Variants in NUP214 observed in about 807,000 individuals in gnomAD.
NUP214 encodes nucleoporin 214.
A neutral mutation model predicts 196.2 loss-of-function variants in NUP214; 79 were observed. The ratio of observed to expected loss-of-function variants is 0.40; its 90% CI spans 0.34 to 0.49. NUP214 has a LOEUF of 0.49. Among genes scored for constraint, NUP214 ranks in the 20% least tolerant of loss-of-function variants. The pLI is 0.58. For missense variants in NUP214, 2,468 were observed against 2,539.0 expected (o/e 0.97, Z 0.60); for synonymous variants, 1,020 against 990.5 (o/e 1.03, Z -0.56).
In NUP214 at chr9:131,151,694, G is replaced by A. The variant is rs181279268; in HGVS notation, c.2278-42G>A. Reference sequence around the variant, plus strand: ...TTGATCCAAACAGAAAGATTTGGACGTAACAACTTTTTGTACCAACACATT... The same window carrying A: ...TTGATCCAAACAGAAAGATTTGGACATAACAACTTTTTGTACCAACACATT... On this transcript the variant is annotated intron_variant, in intron 16 of 35. Coordinates refer to ENST00000359428, the MANE Select transcript of NUP214 (RefSeq NM_005085.4). 1.1e-3 allele frequency: 1,705 copies of A among 1,527,624 alleles called. 3 individuals carry two copies. Among genetic ancestry groups the A allele is most frequent in the Non-Finnish European group, 1.3e-3 (1,477 of 1,125,100 alleles). 94.6% of individuals were successfully genotyped at this position (1,527,624 alleles called of 1,614,324 possible).
chr9:131,164,209 GCGCGCACATGCACGTGTGCA>G, intron 21 of NUP214, 65 bp downstream of exon 21: 1 of 1,420,340 alleles, frequency 7.0e-7, no homozygotes. Context: ...GTGTGTGTGC[GCGCGCACATGCACGTGTGCA>G]TGTGTGAGCT....
In NUP214 at chr9:131,130,137, G is replaced by GTTTTGTTTTTTTTTTTTTTTTTTTT. The variant is rs1564176236; in HGVS notation, c.593-625_593-624insGTTTTTTTTTTTTTTTTTTTTTTTT. Among the ~76,000 whole-genome samples the GTTTTGTTTTTTTTTTTTTTTTTTTT allele has an allele frequency of 1.8e-4, 14 of 76,928 alleles. 1 individual carries two copies. The highest frequency in any genetic ancestry group is 6.2e-4 in the Admixed American group (3 of 4,804). 50.5% of individuals were successfully genotyped at this position (76,928 alleles called of 152,430 possible). On this transcript the variant is annotated intron_variant, in intron 4 of 35. Transcript: ENST00000359428. Reference sequence around the variant, plus strand: ...GAGCAGGAGAATGATTTCTGGTTTTGTTTTTTTTTTTTTGTTTTTTTTTTG... The same window carrying GTTTTGTTTTTTTTTTTTTTTTTTTT: ...GAGCAGGAGAATGATTTCTGGTTTTGTTTTGTTTTTTTTTTTTTTTTTTTTTTTTTTTTTTTTTGTTTTTTTTTTG...
intron 17 of NUP214, among the ~76,000 whole-genome samples, chr9:131,157,497 C>T (rs190152466): frequency 1.5e-5 from 2 of 132,794 alleles, no homozygotes; most frequent in Non-Finnish European, 3.2e-5. Flanking sequence ...GAGAGTCTCA[C>T]TCTGTTGCCC....
chr9:131,146,390 G>C lies in NUP214; in HGVS notation c.1945+86G>C. 1 of 1,307,880 alleles carries C rather than the reference G, an allele frequency of 7.6e-7. No homozygotes were observed. The highest frequency in any genetic ancestry group is 1.1e-6 in the Non-Finnish European group (1 of 929,786). The allele number at this position is 1,307,880 out of a possible 1,614,324, so 81.0% of individuals were successfully genotyped here. A position where few individuals can be genotyped will look rare whatever the true frequency, so the allele number is the denominator to read the frequency against. ...AGTGTTAAGAGTCGTAGCTAACATAGTTGGACAAGGTTATTTTTTCTTGCT... is the reference window on the plus strand; with the variant it reads ...AGTGTTAAGAGTCGTAGCTAACATACTTGGACAAGGTTATTTTTTCTTGCT... On this transcript the variant is annotated intron_variant, in intron 13 of 35. Coordinates refer to ENST00000359428, the MANE Select transcript of NUP214 (RefSeq NM_005085.4). This position sits in a 1 kb window ranked among gnomAD's most constrained non-coding sequence, Gnocchi z 4.6.
Position 131,232,413 on chromosome 9 carries a change from G to A in NUP214, c.6239+105G>A. The A allele has an allele frequency of 8.2e-7, 1 of 1,219,008 alleles. No homozygotes were observed. The highest frequency in any genetic ancestry group is 2.3e-5 in the East Asian group (1 of 42,586). 75.5% of individuals were successfully genotyped at this position (1,219,008 alleles called of 1,614,324 possible). A position where few individuals can be genotyped will look rare whatever the true frequency, so the allele number is the denominator to read the frequency against. On this transcript the variant is annotated intron_variant, in intron 35 of 35. Transcript: ENST00000359428. The surrounding 1 kb of genome is among the most constrained non-coding windows in gnomAD (Gnocchi z 5.1). ...GTGCATTTTCTTTTCGTTTTTTCCT[G>A]TTTTTAGAGTTTGTCCTGGAAGTGT...
chr9:131,162,173 G>C (rs1204526909), intron 18 of NUP214, among the ~76,000 whole-genome samples: 2 of 152,164 alleles, frequency 1.3e-5, no homozygotes, highest in Non-Finnish European at 2.9e-5. Context: ...CAAATCACTA[G>C]GCAATAGGAA....
In NUP214 at chr9:131,140,721, C is replaced by T. The variant is rs980108372; in HGVS notation, c.1294+11C>T. 6.8e-6 allele frequency: 11 copies of T among 1,609,034 alleles called. No individual in the cohort carries two copies. The highest frequency in any genetic ancestry group is 2.7e-5 in the African/African-American group (2 of 74,568). On this transcript the variant is annotated intron_variant, in intron 11 of 35. Coordinates refer to ENST00000359428, the MANE Select transcript of NUP214 (RefSeq NM_005085.4). ...AGCCCAAGTCACCAGGTATGTGCCT[C>T]TGCCTGCTTTATCAGTAAGGGAATA...
At chr9:131,166,385 C>T (rs1832787369) in intron 21 of NUP214, among the ~76,000 whole-genome samples, 1 of 152,106 alleles carries the variant, frequency 6.6e-6, no homozygotes, top group Non-Finnish European at 1.5e-5. Flanking sequence ...TTTACTTATT[C>T]ATTCATTCAA....
Position 131,174,332 on chromosome 9 carries a change from G to C in NUP214, c.3157+14G>C. The C allele has an allele frequency of 6.2e-7, 1 of 1,601,740 alleles. No homozygotes were observed. ...TGGGAACTTCAGGTAAGTAAACAGT[G>C]GGAAAGGAAACTGTTTTTCCCTATG... On this transcript the variant is annotated intron_variant, in intron 22 of 35. Coordinates refer to ENST00000359428, the MANE Select transcript of NUP214 (RefSeq NM_005085.4).
At position 131,150,678 on chromosome 9, in the gene NUP214, A is replaced by G. The variant is rs1832231040; in HGVS notation, c.2190A>G (p.Gln730=). The change falls in exon 16 of 36, where the codon CAA becomes CAG. Residue 730 remains glutamine, a synonymous_variant. Coordinates refer to ENST00000359428, the MANE Select transcript of NUP214 (RefSeq NM_005085.4). ...CCCGAACTTCCAAAGCCTGTTTCCAAGTGGGCACTTCTGAGGAGATGAAGA... is the reference window on the plus strand; with the variant it reads ...CCCGAACTTCCAAAGCCTGTTTCCAGGTGGGCACTTCTGAGGAGATGAAGA... The part of the protein sequence containing the change: ...LKARTSKACF[Q]VGTSEEMKML... The G allele has an allele frequency of 1.2e-6, 2 of 1,614,184 alleles. No individual in the cohort carries two copies. Among genetic ancestry groups the G allele is most frequent in the African/African-American group, 1.3e-5 (1 of 75,060 alleles).
At position 131,146,222 on chromosome 9, in the gene NUP214, T is replaced by C. The variant is rs1472993945; in HGVS notation, c.1863T>C (p.Ser621=). ...PFSSASKPAA[S]GPLSHPTPLS... is the part of the protein sequence containing the mutation. ...CTTCTGCCTCCAAGCCAGCTGCTTC[T>C]GGACCACTCAGCCACCCCACACCTC... The change falls in exon 13 of 36, where the codon TCT becomes TCC. Residue 621 remains serine (S), a synonymous_variant. Transcript: ENST00000359428. The surrounding 1 kb of genome is among the most constrained non-coding windows in gnomAD (Gnocchi z 4.6). The C allele has an allele frequency of 1.9e-6, 3 of 1,614,032 alleles. No individual in the cohort carries two copies. The African/African-American group carries it at 4.0e-5, about 22-fold the overall frequency.
At chr9:131,143,683 C>T (rs1183069550) in intron 11 of NUP214, among the ~76,000 whole-genome samples, 1 of 151,920 alleles carries the variant, frequency 6.6e-6, no homozygotes, top group Non-Finnish European at 1.5e-5. Context: ...TTTGTATGAG[C>T]TTTTTAAAAA....
In NUP214 at chr9:131,132,616, C is replaced by A. The variant is rs1198622264; in HGVS notation, c.684C>A (p.Val228=). 9 of 1,613,970 alleles carry A rather than the reference C, an allele frequency of 5.6e-6. No individual in the cohort carries two copies. The highest frequency in any genetic ancestry group is 6.8e-6 in the Non-Finnish European group (8 of 1,179,976). Residue 228 remains valine (V), a synonymous_variant, in exon 6 of 36, where the codon GTC becomes GTA. Coordinates refer to ENST00000359428, the MANE Select transcript of NUP214 (RefSeq NM_005085.4). Reference sequence around the variant, plus strand: ...TTCAGACTTTGCAGGAAAAAAAAGTCATTCCTTGTCCTCCGTTTTATGAGT... The same window carrying A: ...TTCAGACTTTGCAGGAAAAAAAAGTAATTCCTTGTCCTCCGTTTTATGAGT... The part of the protein sequence containing the change: ...QYLPTLQEKK[V]IPCPPFYESD...
In NUP214 at chr9:131,147,548, G is replaced by A. The variant is rs1308609312; in HGVS notation, c.2004G>A (p.Arg668=). The A allele has an allele frequency of 6.2e-7, 1 of 1,614,040 alleles. No homozygotes were observed. Among genetic ancestry groups the A allele is most frequent in the Admixed American group, 1.7e-5 (1 of 60,018 alleles). The change falls in exon 14 of 36, where the codon AGG becomes AGA. Residue 668 remains arginine (R), a synonymous_variant. Coordinates refer to ENST00000359428, the MANE Select transcript of NUP214 (RefSeq NM_005085.4). The stretch of plus-strand genomic sequence containing the variant: ...CCTCAATGGTACAGAAATCACCCAG[G>A]ATAACCCCTCCAGCGGCAAAGCCAG... The part of the protein sequence containing the change: ...PVPSMVQKSP[R]ITPPAAKPGS...
chr9:131,154,349 A>C (rs1159664397), intron 17 of NUP214, among the ~76,000 whole-genome samples: 3 of 152,060 alleles, frequency 2.0e-5, no homozygotes, highest in Non-Finnish European at 2.9e-5. Context: ...ACTGTACCCC[A>C]ATGTGTAGTA....
At position 131,226,834 on chromosome 9, in the gene NUP214, A is replaced by T. The variant is rs151155347; in HGVS notation, c.5903-1326A>T. ...AACAGTTAACTGAGGGATTCAGCTG[A>T]CAACTTTTCATACCCAGGATTTGAT... is the stretch of plus-strand genomic sequence containing the variant. On this transcript the variant is annotated intron_variant, in intron 32 of 35. Transcript: ENST00000359428. 2.3e-3 allele frequency among the ~76,000 whole-genome samples: 349 copies of T among 152,324 alleles called. 2 individuals carry two copies. The highest frequency in any genetic ancestry group is 0.015 in the Admixed American group (230 of 15,300).
chr9:131,198,879 G>C lies in NUP214; in HGVS notation c.5385G>C (p.Gly1795=). The change falls in exon 29 of 36, where the codon GGG becomes GGC. Residue 1795 remains glycine, a synonymous_variant. Transcript: ENST00000359428. ...GACAGTCTTCTCCCAACACAGGAGGGGGGCTGTTTGGCCAAAGCAACGCTC... is the reference window on the plus strand; with the variant it reads ...GACAGTCTTCTCCCAACACAGGAGGCGGGCTGTTTGGCCAAAGCAACGCTC... ...SFGQSSPNTG[G]GLFGQSNAPA... 6.2e-7 allele frequency: 1 copy of C among 1,614,200 alleles called. No individual in the cohort carries two copies. Among genetic ancestry groups the C allele is most frequent in the East Asian group, 2.2e-5 (1 of 44,886 alleles).
intron 30 of NUP214, among the ~76,000 whole-genome samples, chr9:131,204,427 G>A (rs374618961): frequency 2.0e-5 from 3 of 152,216 alleles, no homozygotes; most frequent in African/African-American, 7.2e-5. Context: ...GGTAGTCAGC[G>A]TTTCCAGCTT....
In NUP214 at chr9:131,181,832, T is replaced by C. The variant is rs1156685046; in HGVS notation, c.3419+3422T>C. Among the ~76,000 whole-genome samples the C allele has an allele frequency of 5.9e-5, 9 of 152,340 alleles. No individual in the cohort carries two copies. In the East Asian group the frequency reaches 1.7e-3, roughly 29 times the overall value. On this transcript the variant is annotated intron_variant, in intron 24 of 35. Coordinates refer to ENST00000359428, the MANE Select transcript of NUP214 (RefSeq NM_005085.4). ...ACGAAAATTTAGTCCAGTTTATCTA[T>C]TTTTTCTTTTGTTGCTTGTGCTTTA...
Sources: gnomAD v4.1 joint callset for allele counts (sites outside exome capture counted in the v4.1 genomes callset) on GRCh38, gnomAD v4.1.1 for gene constraint, Gnocchi (gnomAD v3.1) non-coding constraint, MANE v1.5 for transcripts, NCBI Gene and HGNC (gene_info 2026-07-23, HGNC 2026-07-21) for gene names.